SLCO3A1: variants seen among roughly 807,000 people sequenced by gnomAD.
The protein encoded by SLCO3A1 is PGE1 transporter.
SLCO3A1 carries 27 observed loss-of-function variants against 63.1 expected under a neutral mutation model. The observed-to-expected ratio is 0.43, with a 90% CI of 0.32 to 0.59. The LOEUF is 0.59. Ranked by LOEUF, SLCO3A1 falls within the 20% of genes least tolerant of loss-of-function variation. The probability of loss-of-function intolerance (pLI) is 0.09; values close to 1 mark genes in which losing one functional copy is unlikely to be tolerated. For missense variants in SLCO3A1, 773 were observed against 945.8 expected (o/e 0.82, Z 2.40); for synonymous variants, 473 against 409.9 (o/e 1.15, Z -1.86).
chr15:91,858,919 T>G (rs1391090402), intron 1 of SLCO3A1, among the ~76,000 whole-genome samples: 1 of 152,262 alleles, frequency 6.6e-6, no homozygotes. Flanking sequence ...CTGCATTTCA[T>G]GCAGAAAGAG....
rs539598106 is a variant in SLCO3A1, at chr15:92,023,783, A to G, written c.647-71098A>G. Among the ~76,000 whole-genome samples, 29 of 152,316 alleles carry G rather than the reference A, an allele frequency of 1.9e-4. No homozygotes were observed. In the South Asian group the frequency reaches 5.4e-3, roughly 28 times the overall value. On this transcript the variant is annotated intron_variant, in intron 2 of 9. Transcript: ENST00000318445. ...TGTGCCCAGCCAAGACTGATTTTTC[A>G]TAAACAAACTTAACTTTAAAAGTTG...
chr15:92,146,076 A>G (rs2048218216), intron 7 of SLCO3A1, among the ~76,000 whole-genome samples: 1 of 152,190 alleles, frequency 6.6e-6, no homozygotes, highest in South Asian at 2.1e-4. Context: ...TCTGAAAGCC[A>G]AGCAGTCCTG....
chr15:91,984,349 G>A (rs2046024174), intron 2 of SLCO3A1, among the ~76,000 whole-genome samples: 2 of 152,166 alleles, frequency 1.3e-5, no homozygotes, highest in Non-Finnish European at 1.5e-5. Flanking sequence ...AGATTTCCTG[G>A]TGATTCCATC....
intron 1 of SLCO3A1, among the ~76,000 whole-genome samples, chr15:91,898,821 C>T (rs1898076330): frequency 6.6e-6 from 1 of 152,008 alleles, no homozygotes; most frequent in Non-Finnish European, 1.5e-5. Flanking sequence ...ATTAAAATTT[C>T]ATGGGGGGAC....
intron 2 of SLCO3A1, among the ~76,000 whole-genome samples, chr15:92,014,922 G>C (rs1695445882): frequency 6.6e-6 from 1 of 152,192 alleles, no homozygotes; most frequent in Non-Finnish European, 1.5e-5. Context: ...TGAGCTAGCT[G>C]TGAGTGTAAG....
chr15:92,163,619 C>CGT lies in SLCO3A1; in HGVS notation c.*484_*485insGT. On this transcript the variant is annotated 3_prime_UTR_variant, in exon 10 of 10. Coordinates refer to ENST00000318445, the MANE Select transcript of SLCO3A1 (RefSeq NM_013272.4). ...TTAAGCACTAGTGACACACCCCGTG[C>CGT]CACCCTCTTCCTCCAGGTGGGGGTG... 4 of 984,946 alleles carry CGT rather than the reference C, an allele frequency of 4.1e-6. No homozygotes were observed. Among genetic ancestry groups the CGT allele is most frequent in the Non-Finnish European group, 4.8e-6 (4 of 829,838 alleles). The allele number at this position is 984,946 out of a possible 1,614,324, so 61.0% of individuals were successfully genotyped here. A position where few individuals can be genotyped will look rare whatever the true frequency, so the allele number is the denominator to read the frequency against.
intron 1 of SLCO3A1, among the ~76,000 whole-genome samples, chr15:91,914,116 C>A (rs893480816): frequency 6.6e-6 from 1 of 152,204 alleles, no homozygotes; most frequent in Non-Finnish European, 1.5e-5. Flanking sequence ...GACACCAGCT[C>A]TATGAGGTAG....
intron 2 of SLCO3A1, among the ~76,000 whole-genome samples, chr15:92,046,726 T>A (rs2046868181): frequency 6.6e-6 from 1 of 151,632 alleles, no homozygotes; most frequent in Non-Finnish European, 1.5e-5. Flanking sequence ...TTGATTTACT[T>A]CAGGTAGAGC....
At chr15:92,135,408 C>G (rs2048045361) in intron 7 of SLCO3A1, among the ~76,000 whole-genome samples, 1 of 152,214 alleles carries the variant, frequency 6.6e-6, no homozygotes, top group South Asian at 2.1e-4. Context: ...TTGCTTTCAT[C>G]TCAGAATTTT....
In SLCO3A1 at chr15:91,890,521, T is replaced by C. The variant is rs1451942453; in HGVS notation, c.181-25472T>C. Among the ~76,000 whole-genome samples, 5 of 152,208 alleles carry C rather than the reference T, an allele frequency of 3.3e-5. No individual in the cohort carries two copies. The East Asian group carries it at 9.6e-4, about 29-fold the overall frequency. On this transcript the variant is annotated intron_variant, in intron 1 of 9. Transcript: ENST00000318445. ...TATCCCCTATGCCTGGCATTGACAA[T>C]TCTGATTCTTACTGTGCATTTCAAA...
rs567030434 is a variant in SLCO3A1 at position 91,941,068 on chromosome 15, A to G, written c.646+24610A>G. ...AAATCACCCTTTAAAATTTATGACC[A>G]TTTTCTCTGACATTAACGTGCAAGC... On this transcript the variant is annotated intron_variant, in intron 2 of 9. Coordinates refer to ENST00000318445, the MANE Select transcript of SLCO3A1 (RefSeq NM_013272.4). The surrounding 1 kb of genome is among the most constrained non-coding windows in gnomAD (Gnocchi z 4.4). 5.9e-5 allele frequency among the ~76,000 whole-genome samples: 9 copies of G among 152,046 alleles called. No homozygotes were observed. Among genetic ancestry groups the G allele is most frequent in the African/African-American group, 2.2e-4 (9 of 41,458 alleles).
At chr15:91,880,126 CGTCCG>C (rs1335725316) in intron 1 of SLCO3A1, among the ~76,000 whole-genome samples, 1 of 115,348 alleles carries the variant, frequency 8.7e-6, no homozygotes, top group African/African-American at 4.4e-5. Context: ...TCCGTCCGTC[CGTCCG>C]TCCATCCATC....
At chr15:92,125,536 C>A (rs896421000) in intron 5 of SLCO3A1, among the ~76,000 whole-genome samples, 1 of 152,146 alleles carries the variant, frequency 6.6e-6, no homozygotes, top group South Asian at 2.1e-4. Flanking sequence ...CAAACACTCT[C>A]TCTATGGCCT....
At chr15:92,149,465 A>C (rs1382952075) in intron 8 of SLCO3A1, 2 of 152,314 alleles carry the variant, frequency 1.3e-5, no homozygotes, top group African/African-American at 4.8e-5. Context: ...CTGTCATGCC[A>C]AACAGGACCA....
At chr15:92,058,766 G>A (rs1050274977) in intron 2 of SLCO3A1, among the ~76,000 whole-genome samples, 2 of 152,092 alleles carry the variant, frequency 1.3e-5, no homozygotes, top group African/African-American at 4.8e-5. Flanking sequence ...GTGTCTTAGG[G>A]TTAACTTCTT....
chr15:92,064,699 AAGG>A (rs1185371452), intron 2 of SLCO3A1, among the ~76,000 whole-genome samples: 1 of 152,272 alleles, frequency 6.6e-6, no homozygotes, highest in Non-Finnish European at 1.5e-5. Flanking sequence ...CAGCCAAAAA[AAGG>A]AATTAAATTC....
At chr15:92,021,737 G>A (rs1437661699) in intron 2 of SLCO3A1, among the ~76,000 whole-genome samples, 1 of 152,150 alleles carries the variant, frequency 6.6e-6, no homozygotes, top group East Asian at 1.9e-4. Context: ...CTTCCACTGT[G>A]GTGAGAGATG....
intron 7 of SLCO3A1, among the ~76,000 whole-genome samples, chr15:92,144,984 A>C (rs1417488822): frequency 6.6e-6 from 1 of 152,188 alleles, no homozygotes; most frequent in Non-Finnish European, 1.5e-5. Context: ...GGTGGGAAAG[A>C]GGAGAAGGTA....
rs1331128133 is a variant in SLCO3A1, at chr15:91,950,410, GCCTTGA to G, written c.646+33955_646+33960del. 6.6e-6 allele frequency among the ~76,000 whole-genome samples: 1 copy of G among 152,178 alleles called. No homozygotes were observed. Among genetic ancestry groups the G allele is most frequent in the Non-Finnish European group, 1.5e-5 (1 of 68,018 alleles). On this transcript the variant is annotated intron_variant, in intron 2 of 9. Coordinates refer to ENST00000318445, the MANE Select transcript of SLCO3A1 (RefSeq NM_013272.4). The surrounding 1 kb of genome is among the most constrained non-coding windows in gnomAD (Gnocchi z 4.4). ...CCCTGTCACTGGCCATTGATCCCAG[GCCTTGA>G]CCAAATGGGGTCTCTAATCCCCAAG...
Sources: allele counts gnomAD v4.1 joint callset (sites outside exome capture counted in the v4.1 genomes callset), GRCh38; gene constraint gnomAD v4.1.1; non-coding constraint Gnocchi (gnomAD v3.1); transcripts MANE v1.5; gene names NCBI Gene and HGNC (gene_info 2026-07-23, HGNC 2026-07-21).